The following NRXN3 variants were observed in gnomAD, a reference collection of about 807,000 sequenced individuals.
NRXN3 encodes the protein neurexin 3, also known as neurexin III.
In NRXN3, 32 loss-of-function variants were observed where a neutral mutation model predicts 137.6. The observed-to-expected ratio is 0.23, with a 90% CI of 0.18 to 0.31. The LOEUF (loss-of-function observed/expected upper bound fraction) is 0.31, where lower values mean the gene tolerates loss of function less well. Among genes scored for constraint, NRXN3 ranks in the 10% least tolerant of loss-of-function variants. The probability of loss-of-function intolerance (pLI) is 1.00; values close to 1 mark genes in which losing one functional copy is unlikely to be tolerated. For missense variants in NRXN3, 1,574 were observed against 2,062.5 expected (o/e 0.76, Z 4.59); for synonymous variants, 798 against 784.5 (o/e 1.02, Z -0.29).
chr14:79,581,277 G>C (rs2097713687), intron 16 of NRXN3, among the ~76,000 whole-genome samples: 1 of 152,100 alleles, frequency 6.6e-6, no homozygotes, highest in African/African-American at 2.4e-5. Flanking sequence ...CTTCCTTACT[G>C]CTTCTCTCAA....
chr14:78,479,030 AT>A (rs947821473), intron 4 of NRXN3, among the ~76,000 whole-genome samples: 1 of 152,226 alleles, frequency 6.6e-6, no homozygotes, highest in African/African-American at 2.4e-5. Context: ...AATTGTAAAT[AT>A]TTTTTATAGC....
intron 4 of NRXN3, among the ~76,000 whole-genome samples, chr14:78,455,024 C>T (rs186865579): frequency 1.7e-4 from 26 of 152,278 alleles, no homozygotes; most frequent in Non-Finnish European, 2.9e-5. Context: ...TCACCCAGGT[C>T]GAGAGTAGTA....
chr14:78,339,739 T>G (rs1242399282), intron 4 of NRXN3, among the ~76,000 whole-genome samples: 1 of 152,128 alleles, frequency 6.6e-6, no homozygotes, highest in Admixed American at 6.5e-5. Context: ...TAAATATCTT[T>G]AGGCAGCCAT....
intron 16 of NRXN3, among the ~76,000 whole-genome samples, chr14:79,532,750 C>G (rs976908613): frequency 6.6e-6 from 1 of 152,162 alleles, no homozygotes; most frequent in South Asian, 2.1e-4. Flanking sequence ...CTGCCTCAAA[C>G]GAGTTATTAT....
chr14:79,621,834 A>G (rs1425026464), intron 16 of NRXN3, among the ~76,000 whole-genome samples: 4 of 152,224 alleles, frequency 2.6e-5, no homozygotes, highest in African/African-American at 9.6e-5. Context: ...TTGCTGCTCA[A>G]GTAATGGATC....
At chr14:78,521,514 G>A (rs1459581034) in intron 4 of NRXN3, among the ~76,000 whole-genome samples, 3 of 152,102 alleles carry the variant, frequency 2.0e-5, no homozygotes, top group Admixed American at 2.0e-4. Context: ...GAAGCCCAGG[G>A]TTAATTTTTA....
chr14:79,373,153 A>G (rs1312503003), intron 15 of NRXN3, among the ~76,000 whole-genome samples: 1 of 152,170 alleles, frequency 6.6e-6, no homozygotes, highest in Non-Finnish European at 1.5e-5. Flanking sequence ...ATACAGAGAA[A>G]TACCTACACT....
chr14:78,890,583 G>A (rs1484057890), intron 10 of NRXN3, among the ~76,000 whole-genome samples: 4 of 151,608 alleles, frequency 2.6e-5, no homozygotes, highest in African/African-American at 9.7e-5. Flanking sequence ...GCAGAAAGGA[G>A]GTCTGCATTT....
chr14:79,249,051 A>C (rs2075595975), intron 15 of NRXN3: 1 of 152,194 alleles, frequency 6.6e-6, no homozygotes, highest in Non-Finnish European at 1.5e-5. Context: ...CAGGTTGTAC[A>C]TTGACTGTTG....
At chr14:78,778,817 TTTC>T (rs1432915502) in intron 8 of NRXN3, among the ~76,000 whole-genome samples, 5 of 135,210 alleles carry the variant, frequency 3.7e-5, no homozygotes, top group Non-Finnish European at 4.8e-5. Context: ...TCTTTCTTTC[TTTC>T]TTTTCCTTCT....
At chr14:79,005,675 T>A (rs1175517824) in intron 15 of NRXN3, among the ~76,000 whole-genome samples, 3 of 152,192 alleles carry the variant, frequency 2.0e-5, no homozygotes, top group Non-Finnish European at 2.9e-5. Flanking sequence ...CTTTATTGAT[T>A]TGGGCTTACC....
intron 20 of NRXN3, among the ~76,000 whole-genome samples, chr14:79,831,467 A>AT (rs1253971911): frequency 6.6e-6 from 1 of 152,226 alleles, no homozygotes; most frequent in East Asian, 1.9e-4. Flanking sequence ...AAGGAAGCTC[A>AT]TGTAATCATG....
At chr14:78,990,026 G>T (rs1286776418) in intron 15 of NRXN3, among the ~76,000 whole-genome samples, 1 of 151,256 alleles carries the variant, frequency 6.6e-6, no homozygotes, top group Non-Finnish European at 1.5e-5. Context: ...AGAGCAGATT[G>T]TGTCTCATTC....
intron 10 of NRXN3, among the ~76,000 whole-genome samples, chr14:78,910,774 A>G (rs1293889131): frequency 6.6e-6 from 1 of 152,178 alleles, no homozygotes; most frequent in Non-Finnish European, 1.5e-5. Context: ...AGTCTCATTT[A>G]CCAATGTTAA....
At chr14:78,995,675 A>G (rs189589862) in intron 15 of NRXN3, among the ~76,000 whole-genome samples, 1 of 152,244 alleles carries the variant, frequency 6.6e-6, no homozygotes, top group African/African-American at 2.4e-5. Flanking sequence ...CATGACTCAT[A>G]CAAATATAAT....
intron 16 of NRXN3, among the ~76,000 whole-genome samples, chr14:79,493,298 G>A (rs2096734909): frequency 6.6e-6 from 1 of 152,194 alleles, no homozygotes; most frequent in African/African-American, 2.4e-5. Context: ...TAATTAATGA[G>A]TACAACAGAC....
intron 15 of NRXN3, among the ~76,000 whole-genome samples, chr14:79,334,447 G>A (rs2092079027): frequency 6.6e-6 from 1 of 152,162 alleles, no homozygotes; most frequent in African/African-American, 2.4e-5. Context: ...CCCTGAAACA[G>A]GAATGCACTT....
At chr14:79,008,840 G>A (rs1444141332) in intron 15 of NRXN3, among the ~76,000 whole-genome samples, 3 of 151,894 alleles carry the variant, frequency 2.0e-5, no homozygotes, top group Non-Finnish European at 2.9e-5. Context: ...TGTATTTTTA[G>A]TAGAGATGGG....
intron 10 of NRXN3, among the ~76,000 whole-genome samples, chr14:78,846,092 G>T (rs539106496): frequency 5.9e-5 from 9 of 152,088 alleles, no homozygotes; most frequent in African/African-American, 2.2e-4. Context: ...ATCTGCTTCA[G>T]TACTCATAAA....
Sources: gnomAD v4.1 joint callset for allele counts (sites outside exome capture counted in the v4.1 genomes callset) on GRCh38, gnomAD v4.1.1 for gene constraint, MANE v1.5 for transcripts, NCBI Gene and HGNC (gene_info 2026-07-23, HGNC 2026-07-21) for gene names.